The following BBS12 variants were observed in gnomAD, a reference collection of about 807,000 sequenced individuals.
BBS12 encodes the protein chaperonin-containing T-complex member BBS12.
Under a neutral mutation model 5.6 loss-of-function variants are expected in BBS12, and 5 were observed. The ratio of observed to expected loss-of-function variants is 0.89; its 90% CI spans 0.46 to 1.86. The LOEUF (loss-of-function observed/expected upper bound fraction) is 1.86, where lower values mean the gene tolerates loss of function less well. BBS12 is among the 40% of genes most tolerant of loss of function. The pLI, the probability that BBS12 is intolerant of heterozygous loss-of-function variation, is 0.01. For missense variants in BBS12, 748 were observed against 830.4 expected, an observed-to-expected ratio of 0.90 and a Z score of 1.22; for synonymous variants, 308 against 306.8, an observed-to-expected ratio of 1.00 and a Z score of -0.04.
intron 1 of BBS12, 98 bp from the exon 2 acceptor site, chr4:122,741,785 C>G: frequency 1.0e-6 from 1 of 990,138 alleles, no homozygotes; most frequent in Non-Finnish European, 1.5e-6. Flanking sequence ...ATTATATGTA[C>G]CTCAAAAGCA....
the BBS12 span, among the ~76,000 whole-genome samples, chr4:122,716,747 A>ATATACACACACACGTGTGTGTGTG: frequency 2.0e-5 from 3 of 149,354 alleles, no homozygotes; most frequent in Non-Finnish European, 3.0e-5. Flanking sequence ...GTGTGTGTGT[A>ATATACACACACACGTGTGTGTGTG]TATATATAAT....
the BBS12 span, among the ~76,000 whole-genome samples, chr4:122,702,283 C>T: frequency 6.6e-6 from 1 of 152,164 alleles, no homozygotes; most frequent in Admixed American, 6.5e-5. Flanking sequence ...CTCTGTTATC[C>T]AGACTGGAGA....
chr4:122,744,121 C>A lies in BBS12; in HGVS notation c.*96C>A. 7.8e-7 allele frequency: 1 copy of A among 1,288,388 alleles called. No homozygotes were observed. Among genetic ancestry groups the A allele is most frequent in the Non-Finnish European group, 1.1e-6 (1 of 898,050 alleles). 79.8% of individuals were successfully genotyped at this position (1,288,388 alleles called of 1,614,324 possible). A position where few individuals can be genotyped will look rare whatever the true frequency, so the allele number is the denominator to read the frequency against. On this transcript the variant is annotated 3_prime_UTR_variant, in exon 2 of 2. Transcript: ENST00000314218. ...CAAGTCATGGTGCCTAAAATGCCAG[C>A]TATTGCCAAGAAGAAAATAGTTGAT...
At chr4:122,741,349 GC>G (rs989996241) in intron 1 of BBS12, among the ~76,000 whole-genome samples, 30 of 152,134 alleles carry the variant, frequency 2.0e-4, no homozygotes, top group African/African-American at 7.0e-4. Context: ...ACCACACCCG[GC>G]CAATTTTTGT....
At chr4:122,716,607 A>ACGCGTG in the BBS12 span, among the ~76,000 whole-genome samples, 2 of 58,808 alleles carry the variant, frequency 3.4e-5, no homozygotes, top group African/African-American at 1.3e-4. Flanking sequence ...GTATACACAC[A>ACGCGTG]TGTGTGTATA....
rs528804457 is a variant in BBS12, at chr4:122,744,317, C to A, written c.*292C>A. 2.0e-5 allele frequency: 7 copies of A among 344,088 alleles called. No homozygotes were observed. In the South Asian group the frequency reaches 2.5e-4, roughly 12 times the overall value. The allele number at this position is 344,088 out of a possible 1,614,324, so 21.3% of individuals were successfully genotyped here. ...GCCAGAGCTTCATGTTGGTTTTATTCAGTTCCTCATTTTTCTAGTTCCCAC... is the reference window on the plus strand; with the variant it reads ...GCCAGAGCTTCATGTTGGTTTTATTAAGTTCCTCATTTTTCTAGTTCCCAC... On this transcript the variant is annotated 3_prime_UTR_variant, in exon 2 of 2. Transcript: ENST00000314218.
the BBS12 span, among the ~76,000 whole-genome samples, chr4:122,722,940 C>CA: frequency 7.9e-5 from 12 of 152,128 alleles, no homozygotes; most frequent in Admixed American, 7.9e-4. Flanking sequence ...CCATGTTTTA[C>CA]AGTTTAACTG....
chr4:122,713,998 C>T, the BBS12 span, among the ~76,000 whole-genome samples: 1 of 152,182 alleles, frequency 6.6e-6, no homozygotes, highest in East Asian at 1.9e-4. Flanking sequence ...CCAGCAATTT[C>T]ACTTCCAAGT....
chr4:122,715,314 C>T, the BBS12 span, among the ~76,000 whole-genome samples: 11 of 145,638 alleles, frequency 7.6e-5, no homozygotes, highest in African/African-American at 2.8e-4. Flanking sequence ...GTCCTTATCT[C>T]TATTTGAAAA....
the BBS12 span, among the ~76,000 whole-genome samples, chr4:122,705,670 A>G: frequency 6.6e-6 from 1 of 152,270 alleles, no homozygotes; most frequent in African/African-American, 2.4e-5. Context: ...ATGTATCTAC[A>G]CTCTCATTTT....
At chr4:122,717,652 C>T in the BBS12 span, among the ~76,000 whole-genome samples, 1 of 152,194 alleles carries the variant, frequency 6.6e-6, no homozygotes, top group African/African-American at 2.4e-5. Context: ...ACCTCAGCCC[C>T]CTGAGTAGCT....
the BBS12 span, among the ~76,000 whole-genome samples, chr4:122,726,335 T>C: frequency 5.3e-5 from 8 of 152,196 alleles, no homozygotes; most frequent in African/African-American, 1.9e-4. Flanking sequence ...TCAACATCGC[T>C]AATGATCAGG....
intron 1 of BBS12, among the ~76,000 whole-genome samples, chr4:122,735,277 T>C (rs905608688): frequency 2.8e-4 from 42 of 152,172 alleles, no homozygotes; most frequent in African/African-American, 9.9e-4. Flanking sequence ...TCAGTATAGC[T>C]TAGTGAAAAT....
chr4:122,742,552 G>C lies in BBS12; in HGVS notation c.660G>C (p.Leu220=), dbSNP rs768514500. The C allele has an allele frequency of 6.2e-7, 1 of 1,614,216 alleles. No individual in the cohort carries two copies. Among genetic ancestry groups the C allele is most frequent in the East Asian group, 2.2e-5 (1 of 44,886 alleles). The change falls in exon 2 of 2, where the codon CTG becomes CTC. Residue 220 remains leucine (L), a synonymous_variant. Transcript: ENST00000314218. The part of the protein sequence containing the change: ...NNTSRTLKNS[L]LADTCCRQSI... Reference sequence around the variant, plus strand: ...CATCACGAACTCTGAAAAACAGCCTGCTTGCAGATACCTGCTGCAGACAGT... The same window carrying C: ...CATCACGAACTCTGAAAAACAGCCTCCTTGCAGATACCTGCTGCAGACAGT...
chr4:122,720,662 C>T, the BBS12 span, among the ~76,000 whole-genome samples: 4 of 151,952 alleles, frequency 2.6e-5, no homozygotes, highest in Non-Finnish European at 5.9e-5. Context: ...TAAAGTCTAA[C>T]ACAATTGGAA....
the BBS12 span, among the ~76,000 whole-genome samples, chr4:122,706,640 A>G: frequency 1.3e-5 from 2 of 152,158 alleles, no homozygotes; most frequent in Non-Finnish European, 2.9e-5. Flanking sequence ...AATTTTTCCT[A>G]TGTTCCAACT....
the BBS12 span, among the ~76,000 whole-genome samples, chr4:122,707,123 G>A: frequency 1.1e-4 from 14 of 130,562 alleles, no homozygotes; most frequent in African/African-American, 3.6e-4. Context: ...AGCTGTCCTC[G>A]AACTCATGGG....
At chr4:122,732,948 T>A (rs1800722443) in intron 1 of BBS12, 64 bp downstream of exon 1, 1 of 152,294 alleles carries the variant, frequency 6.6e-6, no homozygotes, top group Non-Finnish European at 1.5e-5. Context: ...TGGGAGCCCG[T>A]GTGTTTGATT....
the BBS12 span, among the ~76,000 whole-genome samples, chr4:122,716,710 CACATATGTGTGTATATACACACACACGT>C: frequency 0.096 from 12,635 of 130,934 alleles, 2,292 homozygotes; most frequent in East Asian, 0.41. Flanking sequence ...TGTATACATA[CACATATGTGTGTATATACACACACACGT>C]GTGTGTGTAT....
Sources: allele counts gnomAD v4.1 joint callset (sites outside exome capture counted in the v4.1 genomes callset), GRCh38; gene constraint gnomAD v4.1.1; transcripts MANE v1.5; gene names NCBI Gene and HGNC (gene_info 2026-07-23, HGNC 2026-07-21).